The following SRD5A2 variants were observed in gnomAD, a reference collection of about 807,000 sequenced individuals.
SRD5A2 encodes the protein 3-oxo-5-alpha-steroid 4-dehydrogenase 2.
In SRD5A2, 30 loss-of-function variants were observed where a neutral mutation model predicts 27.4. The ratio of observed to expected loss-of-function variants is 1.10; its 90% confidence interval spans 0.82 to 1.49. SRD5A2 has a LOEUF of 1.49. SRD5A2 is among the 40% of genes most tolerant of loss of function. SRD5A2 has a pLI of 0.00. For synonymous variants in SRD5A2, 141 were observed against 133.6 expected (o/e 1.06, Z -0.38); for missense variants, 348 against 323.4 (o/e 1.08, Z -0.58).
chr2:31,529,545 G>C, intron 3 of SRD5A2, 88 bp from the exon 4 acceptor site: 10 of 1,521,054 alleles, frequency 6.6e-6, no homozygotes, highest in Non-Finnish European at 8.8e-6. Context: ...ATACACAAAG[G>C]CAGCAAGAAC....
chr2:31,556,160 T>C (rs1488551654), intron 1 of SRD5A2, among the ~76,000 whole-genome samples: 1 of 152,192 alleles, frequency 6.6e-6, no homozygotes, highest in Non-Finnish European at 1.5e-5. Flanking sequence ...ACTACAAACA[T>C]TGACAATAAA....
At chr2:31,567,735 T>G (rs1192539605) in intron 1 of SRD5A2, among the ~76,000 whole-genome samples, 2 of 152,146 alleles carry the variant, frequency 1.3e-5, no homozygotes, top group African/African-American at 4.8e-5. Flanking sequence ...TACAAACATT[T>G]GTATACAAGT....
the SRD5A2 span, among the ~76,000 whole-genome samples, chr2:31,650,885 C>T: frequency 7.2e-5 from 11 of 152,182 alleles, no homozygotes; most frequent in South Asian, 2.3e-3. Context: ...CTAGCAATGT[C>T]ATGGGAGCTC....
chr2:31,631,727 T>C, the SRD5A2 span, among the ~76,000 whole-genome samples: 56 of 152,304 alleles, frequency 3.7e-4, 1 homozygote, highest in East Asian at 9.8e-3. Flanking sequence ...AGTGCTGCCA[T>C]AACTGCAGCC....
chr2:31,634,000 C>G, the SRD5A2 span, among the ~76,000 whole-genome samples: 1 of 152,052 alleles, frequency 6.6e-6, no homozygotes, highest in Admixed American at 6.5e-5. Context: ...AAGAAATAGC[C>G]AATCATCTAT....
At chr2:31,646,605 C>T in the SRD5A2 span, among the ~76,000 whole-genome samples, 1 of 152,044 alleles carries the variant, frequency 6.6e-6, no homozygotes, top group African/African-American at 2.4e-5. Context: ...ACATGGGCTT[C>T]CATGTGCCTA....
intron 1 of SRD5A2, among the ~76,000 whole-genome samples, chr2:31,547,841 T>C (rs990253324): frequency 2.6e-5 from 4 of 151,520 alleles, no homozygotes; most frequent in Non-Finnish European, 5.9e-5. Context: ...TCCTTTCTTA[T>C]ATCTCCCCCG....
chr2:31,624,608 T>C, the SRD5A2 span, among the ~76,000 whole-genome samples: 2 of 152,038 alleles, frequency 1.3e-5, no homozygotes, highest in East Asian at 3.9e-4. Context: ...ACATGCGGTG[T>C]TTGGTTTTCT....
the SRD5A2 span, among the ~76,000 whole-genome samples, chr2:31,597,110 C>A: frequency 6.6e-6 from 1 of 151,858 alleles, no homozygotes; most frequent in Non-Finnish European, 1.5e-5. Context: ...AGTCATGGTA[C>A]TGATTTAAAA....
At chr2:31,540,008 G>A (rs1301684293) in intron 1 of SRD5A2, among the ~76,000 whole-genome samples, 1 of 152,124 alleles carries the variant, frequency 6.6e-6, no homozygotes, top group Non-Finnish European at 1.5e-5. Flanking sequence ...CTAAATGTAC[G>A]AAGGGGGAAT....
the SRD5A2 span, among the ~76,000 whole-genome samples, chr2:31,620,516 T>C: frequency 6.6e-6 from 1 of 152,092 alleles, no homozygotes; most frequent in Admixed American, 6.6e-5. Context: ...TGTACAAAAA[T>C]CGCTAGTACT....
At chr2:31,572,837 C>G (rs1251029463) in intron 1 of SRD5A2, among the ~76,000 whole-genome samples, 2 of 152,078 alleles carry the variant, frequency 1.3e-5, no homozygotes, top group Non-Finnish European at 2.9e-5. Flanking sequence ...CCAAATTACC[C>G]TGTTTTCTTC....
intron 1 of SRD5A2, among the ~76,000 whole-genome samples, chr2:31,547,878 GATA>G (rs1558363889): frequency 2.6e-5 from 4 of 152,074 alleles, no homozygotes; most frequent in African/African-American, 9.7e-5. Context: ...TAGATAGATA[GATA>G]GATATAGATA....
chr2:31,586,090 T>C, the SRD5A2 span, among the ~76,000 whole-genome samples: 1 of 152,082 alleles, frequency 6.6e-6, no homozygotes, highest in African/African-American at 2.4e-5. Flanking sequence ...ACAGGTGGTG[T>C]TTGGTTACAC....
chr2:31,562,385 C>T (rs1470950338), intron 1 of SRD5A2, among the ~76,000 whole-genome samples: 1 of 152,060 alleles, frequency 6.6e-6, no homozygotes, highest in African/African-American at 2.4e-5. Context: ...CTGTTACAAA[C>T]AATCCAATTA....
the SRD5A2 span, among the ~76,000 whole-genome samples, chr2:31,638,089 T>G: frequency 6.6e-6 from 1 of 152,076 alleles, no homozygotes; most frequent in Non-Finnish European, 1.5e-5. Flanking sequence ...CTGTTAGTAC[T>G]GCTTTTTCTG....
chr2:31,610,781 C>G, the SRD5A2 span, among the ~76,000 whole-genome samples: 1 of 152,092 alleles, frequency 6.6e-6, no homozygotes, highest in Non-Finnish European at 1.5e-5. Context: ...TAAACAAATT[C>G]AATAAAGTTT....
At chr2:31,660,593 G>A in the SRD5A2 span, among the ~76,000 whole-genome samples, 2 of 151,948 alleles carry the variant, frequency 1.3e-5, no homozygotes, top group African/African-American at 4.8e-5. Context: ...GGTGGGGGAT[G>A]TTGATAACGG....
chr2:31,586,627 A>G, the SRD5A2 span, among the ~76,000 whole-genome samples: 1 of 152,236 alleles, frequency 6.6e-6, no homozygotes, highest in Non-Finnish European at 1.5e-5. Flanking sequence ...ATTATCCTGG[A>G]TCTTGTCCAA....
Sources: gnomAD v4.1 joint callset for allele counts (sites outside exome capture counted in the v4.1 genomes callset) on GRCh38, gnomAD v4.1.1 for gene constraint, MANE v1.5 for transcripts, NCBI Gene and HGNC (gene_info 2026-07-23, HGNC 2026-07-21) for gene names.